Variants in CSMD1 observed in about 807,000 individuals in gnomAD.
CSMD1 encodes the protein CUB and Sushi multiple domains 1, also known as CUB and sushi domain-containing protein 1.
Under a neutral mutation model 417.5 loss-of-function variants are expected in CSMD1, and 213 were observed. The observed-to-expected ratio is 0.51, with a 90% confidence interval of 0.46 to 0.57. The LOEUF (loss-of-function observed/expected upper bound fraction) is 0.57. Ranked by LOEUF, CSMD1 falls within the 20% of genes least tolerant of loss-of-function variation. The pLI is 0.00. For synonymous variants in CSMD1, 2,862 were observed against 1,736.8 expected, an observed-to-expected ratio of 1.65 and a Z score of -16.11; for missense variants, 6,923 against 4,529.7, an observed-to-expected ratio of 1.53 and a Z score of -15.17.
intron 5 of CSMD1, among the ~76,000 whole-genome samples, chr8:3,977,849 A>G (rs942557933): frequency 6.6e-5 from 10 of 152,230 alleles, no homozygotes; most frequent in African/African-American, 2.4e-4. Context: ...ACAAGAAATA[A>G]CTAAGGAAAA....
chr8:3,556,392 A>ATATATATATATATAGATATATAT, intron 10 of CSMD1, among the ~76,000 whole-genome samples: 1 of 120,448 alleles, frequency 8.3e-6, no homozygotes, highest in East Asian at 2.4e-4. Context: ...TATAATAATT[A>ATATATATATATATAGATATATAT]ATATATATAT....
At chr8:3,333,918 A>T (rs898513868) in intron 23 of CSMD1, among the ~76,000 whole-genome samples, 1 of 152,226 alleles carries the variant, frequency 6.6e-6, no homozygotes, top group African/African-American at 2.4e-5. Context: ...TTTATTATTG[A>T]CAAAATTAGA....
At chr8:4,896,975 C>A (rs1485492508) in intron 1 of CSMD1, among the ~76,000 whole-genome samples, 1 of 152,098 alleles carries the variant, frequency 6.6e-6, no homozygotes, top group Admixed American at 6.5e-5. Flanking sequence ...ACATTTCTTT[C>A]ATTTTTGTGA....
chr8:4,632,809 G>A (rs1266726211), intron 2 of CSMD1, among the ~76,000 whole-genome samples: 1 of 152,146 alleles, frequency 6.6e-6, no homozygotes, highest in Non-Finnish European at 1.5e-5. Flanking sequence ...AATATAATGT[G>A]CACTGCGTTT....
At position 4,420,061 on chromosome 8, in the gene CSMD1, A is replaced by G. The variant is rs1449916697; in HGVS notation, c.307T>C (p.Ser103Pro). 1.3e-6 allele frequency: 2 copies of G among 1,555,378 alleles called. No homozygotes were observed. The highest frequency in any genetic ancestry group is 8.7e-7 in the Non-Finnish European group (1 of 1,146,912). The change falls in exon 3 of 70, where the codon TCG becomes CCG. Residue 103 changes from serine (S) to proline (P), a missense_variant. By Grantham distance (74) the Ser-to-Pro change is moderately conservative. Transcript: ENST00000635120. Reference protein sequence around the residue: ...PQQGNLKVRLSGFQLPSSIVS... With the variant: ...PQQGNLKVRLPGFQLPSSIVS... ...ATAGAGGAGGGCAGCTGAAATCCCG[A>G]TAATCTAAATTTAAAAGACAAGACA...
intron 1 of CSMD1, among the ~76,000 whole-genome samples, chr8:4,903,406 A>C (rs1279186387): frequency 1.3e-5 from 2 of 152,174 alleles, no homozygotes; most frequent in African/African-American, 2.4e-5. Flanking sequence ...AACGAAGTCC[A>C]AGCAGTTGAG....
At chr8:4,228,258 T>C (rs1187808216) in intron 3 of CSMD1, among the ~76,000 whole-genome samples, 2 of 152,232 alleles carry the variant, frequency 1.3e-5, no homozygotes, top group Non-Finnish European at 2.9e-5. Context: ...CCTGTCATCC[T>C]TTCCAGTCAC....
At chr8:4,508,160 A>AAT (rs371154140) in intron 2 of CSMD1, among the ~76,000 whole-genome samples, 1,579 of 110,386 alleles carry the variant, frequency 0.014, 35 homozygotes, top group Admixed American at 0.073. Flanking sequence ...AAGAGGTAAT[A>AAT]TTTTTTTTTT....
chr8:4,681,721 A>G (rs1430923996), intron 1 of CSMD1, among the ~76,000 whole-genome samples: 2 of 152,164 alleles, frequency 1.3e-5, no homozygotes, highest in African/African-American at 2.4e-5. Context: ...AATTAACAAA[A>G]AAGAAGCCTA....
At chr8:4,287,284 T>A (rs1797112178) in intron 3 of CSMD1, among the ~76,000 whole-genome samples, 1 of 152,198 alleles carries the variant, frequency 6.6e-6, no homozygotes, top group Non-Finnish European at 1.5e-5. Context: ...ATTAGTATTT[T>A]TGTGTAACTC....
intron 12 of CSMD1, among the ~76,000 whole-genome samples, chr8:3,439,636 G>C (rs1362470183): frequency 6.6e-6 from 1 of 151,662 alleles, no homozygotes; most frequent in African/African-American, 2.4e-5. Flanking sequence ...TTTTCTCCGA[G>C]ATGTTTTTCA....
chr8:4,353,825 T>A (rs1279170991), intron 3 of CSMD1, among the ~76,000 whole-genome samples: 1 of 152,204 alleles, frequency 6.6e-6, no homozygotes, highest in Non-Finnish European at 1.5e-5. Context: ...CCAGTGTTCT[T>A]CTCTCCTCAG....
chr8:3,894,371 TCAAGGGGAGA>T (rs1210397657), intron 5 of CSMD1, among the ~76,000 whole-genome samples: 5 of 152,186 alleles, frequency 3.3e-5, no homozygotes, highest in Non-Finnish European at 5.9e-5. Context: ...GTGTTGCAAC[TCAAGGGGAGA>T]CACATCCTTC....
chr8:4,603,447 G>A (rs1455544418), intron 2 of CSMD1, among the ~76,000 whole-genome samples: 1 of 152,074 alleles, frequency 6.6e-6, no homozygotes, highest in Non-Finnish European at 1.5e-5. Flanking sequence ...ATGTACAGGA[G>A]TTAGCAAGTT....
chr8:3,972,205 G>C (rs1039456788), intron 5 of CSMD1, among the ~76,000 whole-genome samples: 1 of 151,514 alleles, frequency 6.6e-6, no homozygotes, highest in Non-Finnish European at 1.5e-5. Flanking sequence ...CTATCACTTT[G>C]TTGAAGAAAG....
At chr8:3,973,122 A>G (rs926579287) in intron 5 of CSMD1, among the ~76,000 whole-genome samples, 4 of 152,222 alleles carry the variant, frequency 2.6e-5, no homozygotes, top group South Asian at 2.1e-4. Context: ...TGACAGTTGG[A>G]AAGTTATGAA....
chr8:4,615,791 C>G (rs924210781), intron 2 of CSMD1, among the ~76,000 whole-genome samples: 2 of 152,170 alleles, frequency 1.3e-5, no homozygotes, highest in African/African-American at 4.8e-5. Flanking sequence ...ATACTTAACA[C>G]ATGACTATTT....
chr8:3,182,404 G>A (rs1191302537), intron 36 of CSMD1, among the ~76,000 whole-genome samples: 5 of 152,016 alleles, frequency 3.3e-5, no homozygotes, highest in South Asian at 2.1e-4. Flanking sequence ...TAGTAGAGAC[G>A]GGATTTCACC....
chr8:4,548,500 T>A (rs1393176722), intron 2 of CSMD1, among the ~76,000 whole-genome samples: 1 of 152,134 alleles, frequency 6.6e-6, no homozygotes, highest in Admixed American at 6.5e-5. Context: ...GCCCTCAGAA[T>A]GAAAATGCCA....
Sources: allele counts gnomAD v4.1 joint callset (sites outside exome capture counted in the v4.1 genomes callset), GRCh38; gene constraint gnomAD v4.1.1; transcripts MANE v1.5; gene names NCBI Gene and HGNC (gene_info 2026-07-23, HGNC 2026-07-21).